NR3C2: variants seen among roughly 807,000 people sequenced by gnomAD.
NR3C2 encodes the protein mineralocorticoid receptor.
In NR3C2, 15 loss-of-function variants were observed where a neutral mutation model predicts 86.4. The ratio of observed to expected loss-of-function variants is 0.17; its 90% CI spans 0.12 to 0.27. The LOEUF (loss-of-function observed/expected upper bound fraction) is 0.27. Among genes scored for constraint, NR3C2 ranks in the 10% least tolerant of loss-of-function variants. NR3C2 has a pLI of 1.00. For synonymous variants in NR3C2, 458 were observed against 450.5 expected (o/e 1.02, Z -0.21); for missense variants, 960 against 1,195.6 (o/e 0.80, Z 2.91).
chr4:148,145,087 A>G (rs756702346), intron 6 of NR3C2, among the ~76,000 whole-genome samples: 10 of 152,208 alleles, frequency 6.6e-5, no homozygotes, highest in Non-Finnish European at 1.2e-4. Flanking sequence ...AGGGAAAGGC[A>G]GTCTCCTAAT....
chr4:148,218,591 A>G (rs889767780), intron 3 of NR3C2, among the ~76,000 whole-genome samples: 1 of 152,150 alleles, frequency 6.6e-6, no homozygotes, highest in East Asian at 1.9e-4. Context: ...GTCAATTTAC[A>G]GAGCTTCATA....
rs1007351092 is a variant in NR3C2, at chr4:148,256,069, G to A, written c.1897+3909C>T. Among the ~76,000 whole-genome samples, 19 of 152,306 alleles carry A rather than the reference G, an allele frequency of 1.2e-4. No homozygotes were observed. The South Asian group carries it at 2.5e-3, about 20-fold the overall frequency. On this transcript the variant is annotated intron_variant, in intron 3 of 8. Transcript: ENST00000358102. ...AACAGAAGAGGCAAAGCCTGGTTGAGGGCTCTCAGTATTTTCTCAACTGTG... is the reference window on the plus strand; with the variant it reads ...AACAGAAGAGGCAAAGCCTGGTTGAAGGCTCTCAGTATTTTCTCAACTGTG...
intron 2 of NR3C2, among the ~76,000 whole-genome samples, chr4:148,333,197 G>A (rs755706081): frequency 6.6e-6 from 1 of 152,112 alleles, no homozygotes; most frequent in South Asian, 2.1e-4. Flanking sequence ...CTTGAACCCG[G>A]GAGATGGAAG....
intron 2 of NR3C2, among the ~76,000 whole-genome samples, chr4:148,386,975 T>G (rs1046314087): frequency 1.3e-5 from 2 of 152,174 alleles, no homozygotes; most frequent in Admixed American, 1.3e-4. Flanking sequence ...AACCTCCTTT[T>G]TTCTTAGTGA....
chr4:148,179,788 C>T (rs570339706), intron 4 of NR3C2, among the ~76,000 whole-genome samples: 3 of 151,932 alleles, frequency 2.0e-5, no homozygotes, highest in African/African-American at 7.2e-5. Context: ...TCCTGAATTT[C>T]CTCCATGAAA....
In NR3C2 at chr4:148,282,649, G is replaced by A. The variant is rs149789501; in HGVS notation, c.1758-22532C>T. 1.8e-4 allele frequency among the ~76,000 whole-genome samples: 27 copies of A among 152,270 alleles called. No individual in the cohort carries two copies. The East Asian group carries it at 4.6e-3, about 26-fold the overall frequency. On this transcript the variant is annotated intron_variant, in intron 2 of 8. Coordinates refer to ENST00000358102, the MANE Select transcript of NR3C2 (RefSeq NM_000901.5). The stretch of plus-strand genomic sequence containing the variant: ...GAAGAAAGTCCCAGTTAAACACAGG[G>A]TGTGTGGGAGTGGGGGAGTTGGAGG...
At chr4:148,398,481 T>C (rs1279118973) in intron 2 of NR3C2, among the ~76,000 whole-genome samples, 1 of 152,230 alleles carries the variant, frequency 6.6e-6, no homozygotes. Flanking sequence ...TTATTTGTAG[T>C]ATGTGTATTT....
At chr4:148,100,924 A>T (rs931935645) in intron 8 of NR3C2, among the ~76,000 whole-genome samples, 1 of 152,250 alleles carries the variant, frequency 6.6e-6, no homozygotes, top group Admixed American at 6.5e-5. Context: ...ACATGGACGA[A>T]CTTGGAGGAC....
At chr4:148,326,782 C>T (rs1193839772) in intron 2 of NR3C2, among the ~76,000 whole-genome samples, 2 of 152,104 alleles carry the variant, frequency 1.3e-5, no homozygotes, top group Non-Finnish European at 2.9e-5. Context: ...ACAATGTCTT[C>T]CTTTCATGAA....
At chr4:148,246,751 C>T (rs997299697) in intron 3 of NR3C2, among the ~76,000 whole-genome samples, 12 of 152,088 alleles carry the variant, frequency 7.9e-5, no homozygotes, top group Non-Finnish European at 1.8e-4. Context: ...CAGGGTTTCA[C>T]CATGTTGGCC....
At chr4:148,206,138 G>A (rs1736992053) in intron 3 of NR3C2, among the ~76,000 whole-genome samples, 1 of 152,144 alleles carries the variant, frequency 6.6e-6, no homozygotes, top group South Asian at 2.1e-4. Flanking sequence ...TCAGAATCCA[G>A]ATGACTCTTT....
At chr4:148,336,295 T>C (rs969116478) in intron 2 of NR3C2, among the ~76,000 whole-genome samples, 10 of 152,150 alleles carry the variant, frequency 6.6e-5, no homozygotes, top group African/African-American at 2.4e-4. Flanking sequence ...GAAAAAGGGC[T>C]ACATGCTAGG....
intron 8 of NR3C2, among the ~76,000 whole-genome samples, chr4:148,103,871 G>A (rs1047212417): frequency 2.0e-5 from 3 of 152,164 alleles, no homozygotes; most frequent in African/African-American, 2.4e-5. Flanking sequence ...GGCTTGTCCA[G>A]ACCTCCCCAT....
chr4:148,310,450 G>A (rs1449812006), intron 2 of NR3C2, among the ~76,000 whole-genome samples: 1 of 152,152 alleles, frequency 6.6e-6, no homozygotes, highest in East Asian at 1.9e-4. Context: ...TAGTCTATTT[G>A]CTGTCACATG....
intron 2 of NR3C2, among the ~76,000 whole-genome samples, chr4:148,407,311 T>A (rs72658632): frequency 6.6e-6 from 1 of 152,174 alleles, no homozygotes; most frequent in Non-Finnish European, 1.5e-5. Context: ...CCCTGTTACA[T>A]GTAGGGTTCA....
intron 2 of NR3C2, among the ~76,000 whole-genome samples, chr4:148,326,736 G>C (rs1743989474): frequency 6.6e-6 from 1 of 152,022 alleles, no homozygotes; most frequent in African/African-American, 2.4e-5. Flanking sequence ...GGACGACAGA[G>C]TTAACCTTTG....
intron 2 of NR3C2, among the ~76,000 whole-genome samples, chr4:148,369,330 G>A (rs1050097581): frequency 2.0e-4 from 30 of 152,004 alleles, no homozygotes; most frequent in African/African-American, 5.3e-4. Context: ...CATGAATTTC[G>A]GAGAAATTAC....
At position 148,243,187 on chromosome 4, in the gene NR3C2, T is replaced by C. The variant is rs1009724099; in HGVS notation, c.1897+16791A>G. Among the ~76,000 whole-genome samples, 21 of 152,188 alleles carry C rather than the reference T, an allele frequency of 1.4e-4. 1 individual carries two copies. Among genetic ancestry groups the C allele is most frequent in the Middle Eastern group, 6.8e-3 (2 of 294 alleles). On this transcript the variant is annotated intron_variant, in intron 3 of 8. Coordinates refer to ENST00000358102, the MANE Select transcript of NR3C2 (RefSeq NM_000901.5). ...CTAGGATTATGGGTGTGTGCTACCA[T>C]GCCTGGCTAATTTTTGTTTTTTATA...
intron 6 of NR3C2, among the ~76,000 whole-genome samples, chr4:148,135,558 T>C (rs1017719443): frequency 6.6e-6 from 1 of 152,138 alleles, no homozygotes; most frequent in Non-Finnish European, 1.5e-5. Context: ...TCACGTACTT[T>C]GCGAACAGTG....
Sources: gnomAD v4.1 joint callset for allele counts (sites outside exome capture counted in the v4.1 genomes callset) on GRCh38, gnomAD v4.1.1 for gene constraint, MANE v1.5 for transcripts, NCBI Gene and HGNC (gene_info 2026-07-23, HGNC 2026-07-21) for gene names.